RSRC1: variants seen among roughly 807,000 people sequenced by gnomAD.
The protein encoded by RSRC1 is arginine and serine rich coiled-coil 1.
A neutral mutation model predicts 49.1 loss-of-function variants in RSRC1; 39 were observed. The observed-to-expected ratio is 0.79, with a 90% CI of 0.61 to 1.04. RSRC1 has a LOEUF of 1.04. Ranked by LOEUF, RSRC1 falls within the 50% of genes least tolerant of loss-of-function variation. RSRC1 has a pLI of 0.00. For synonymous variants in RSRC1, 143 were observed against 130.8 expected (o/e 1.09, Z -0.63); for missense variants, 388 against 402.4 (o/e 0.96, Z 0.31).
At chr3:158,154,688 C>T (rs890023737) in intron 3 of RSRC1, among the ~76,000 whole-genome samples, 2 of 152,128 alleles carry the variant, frequency 1.3e-5, no homozygotes, top group Non-Finnish European at 2.9e-5. Context: ...TGGTCTCGAT[C>T]TCTTGACCTC....
chr3:158,467,466 A>T (rs576431970), intron 7 of RSRC1, among the ~76,000 whole-genome samples: 2 of 152,348 alleles, frequency 1.3e-5, no homozygotes, highest in South Asian at 2.1e-4. Context: ...GTAGTTACAT[A>T]GTGCGTATGA....
chr3:158,213,157 T>C (rs181450972), intron 4 of RSRC1, among the ~76,000 whole-genome samples: 2 of 152,056 alleles, frequency 1.3e-5, no homozygotes, highest in African/African-American at 4.8e-5. Flanking sequence ...AATGTGATAT[T>C]ATAGGACAGT....
chr3:158,160,451 TAG>T (rs967004160), intron 3 of RSRC1, among the ~76,000 whole-genome samples: 1 of 152,092 alleles, frequency 6.6e-6, no homozygotes, highest in Non-Finnish European at 1.5e-5. Context: ...GGAATACATA[TAG>T]AGAAATGTGG....
At chr3:158,450,679 T>G (rs1736979130) in intron 6 of RSRC1, among the ~76,000 whole-genome samples, 1 of 151,986 alleles carries the variant, frequency 6.6e-6, no homozygotes, top group Non-Finnish European at 1.5e-5. Context: ...TATGTCCATA[T>G]GTAAATTTTT....
rs528316757 is a variant in RSRC1, at chr3:158,354,800, T to C, written c.532-57T>C. On this transcript the variant is annotated intron_variant, in intron 5 of 9. Coordinates refer to ENST00000611884, the MANE Select transcript of RSRC1 (RefSeq NM_001271838.2). Reference sequence around the variant, plus strand: ...ATGCATTAATTTAAAACTCCATCAATTAAAACTGACCTGTAAAAGTCTTGT... The same window carrying C: ...ATGCATTAATTTAAAACTCCATCAACTAAAACTGACCTGTAAAAGTCTTGT... 2.0e-5 allele frequency: 27 copies of C among 1,335,246 alleles called. No homozygotes were observed. The African/African-American group carries it at 3.2e-4, about 16-fold the overall frequency. 82.7% of individuals were successfully genotyped at this position (1,335,246 alleles called of 1,614,324 possible). A position where few individuals can be genotyped will look rare whatever the true frequency, so the allele number is the denominator to read the frequency against.
intron 3 of RSRC1, among the ~76,000 whole-genome samples, chr3:158,187,410 T>C (rs1719993492): frequency 6.6e-6 from 1 of 151,976 alleles, no homozygotes; most frequent in Admixed American, 6.6e-5. Flanking sequence ...AAAGGGGAGA[T>C]TGGTTTTGAT....
rs375305594 is a variant in RSRC1 at position 158,470,321 on chromosome 3, AACACACACACAC to A, written c.652+9348_652+9359del. Among the ~76,000 whole-genome samples the A allele has an allele frequency of 8.9e-3, 1,214 of 136,880 alleles. 21 individuals are homozygous for A. Among genetic ancestry groups the A allele is most frequent in the African/African-American group, 0.029 (1,049 of 36,596 alleles). 89.8% of individuals were successfully genotyped at this position (136,880 alleles called of 152,430 possible). ...AGCCTTGTTTTTCTCTGCTCTTAGAAACACACACACACACACACACACACACACACACACACA... is the reference window on the plus strand; with the variant it reads ...AGCCTTGTTTTTCTCTGCTCTTAGAAACACACACACACACACACACACACA... On this transcript the variant is annotated intron_variant, in intron 7 of 9. Transcript: ENST00000611884.
At chr3:158,433,572 G>C (rs1259497237) in intron 6 of RSRC1, among the ~76,000 whole-genome samples, 3 of 151,936 alleles carry the variant, frequency 2.0e-5, no homozygotes, top group Non-Finnish European at 4.4e-5. Context: ...TGTCTGGAGG[G>C]CTGAGAGGAT....
At chr3:158,266,568 T>C (rs1725192647) in intron 4 of RSRC1, among the ~76,000 whole-genome samples, 1 of 152,216 alleles carries the variant, frequency 6.6e-6, no homozygotes, top group Non-Finnish European at 1.5e-5. Flanking sequence ...TTTTTATCAT[T>C]ACATTTTAAT....
At chr3:158,526,784 T>A (rs1369560) in intron 7 of RSRC1, among the ~76,000 whole-genome samples, 45,288 of 151,798 alleles carry the variant, frequency 0.3, 7,091 homozygotes, top group South Asian at 0.41. Flanking sequence ...ACTCATAACT[T>A]TATACTGACT....
At chr3:158,419,930 A>G (rs1309066631) in intron 6 of RSRC1, among the ~76,000 whole-genome samples, 1 of 151,812 alleles carries the variant, frequency 6.6e-6, no homozygotes, top group Non-Finnish European at 1.5e-5. Context: ...GAAATAGGTC[A>G]GAGTTATTCA....
chr3:158,535,736 A>G (rs1350128557), intron 7 of RSRC1, among the ~76,000 whole-genome samples: 2 of 151,470 alleles, frequency 1.3e-5, no homozygotes, highest in East Asian at 3.9e-4. Flanking sequence ...AAGCAATTGA[A>G]GCATCAAAAT....
chr3:158,330,883 C>T (rs1181836867), intron 5 of RSRC1, among the ~76,000 whole-genome samples: 1 of 76,012 alleles, frequency 1.3e-5, no homozygotes, highest in Non-Finnish European at 2.6e-5. Context: ...GACTGGGTAA[C>T]TTATTAAAAA....
rs899780366 is a variant in RSRC1, at chr3:158,283,507, TA to T, written c.495-14522del. On this transcript the variant is annotated intron_variant, in intron 4 of 9. Coordinates refer to ENST00000611884, the MANE Select transcript of RSRC1 (RefSeq NM_001271838.2). ...CCCTCTTACATTTTGTAACATGATT[TA>T]AAAAAAAAACTTACTATAGCACAAG... Among the ~76,000 whole-genome samples, 180 of 149,714 alleles carry T rather than the reference TA, an allele frequency of 1.2e-3. 3 individuals are homozygous for T. In the East Asian group the frequency reaches 0.03, roughly 25 times the overall value.
chr3:158,192,351 G>A (rs1251686289), intron 3 of RSRC1, among the ~76,000 whole-genome samples: 9 of 152,020 alleles, frequency 5.9e-5, no homozygotes, highest in African/African-American at 2.2e-4. Context: ...TTCAAGAGAT[G>A]AATTGCTCGT....
chr3:158,174,871 A>G (rs1719108251), intron 3 of RSRC1, among the ~76,000 whole-genome samples: 1 of 152,062 alleles, frequency 6.6e-6, no homozygotes, highest in South Asian at 2.1e-4. Flanking sequence ...ATACTTTGGA[A>G]TGAAATTGCT....
At position 158,203,054 on chromosome 3, in the gene RSRC1, A is replaced by C. The variant is rs1263650838; in HGVS notation, c.321-18A>C. 3 of 1,587,778 alleles carry C rather than the reference A, an allele frequency of 1.9e-6. No homozygotes were observed. The East Asian group carries it at 6.7e-5, about 36-fold the overall frequency. ...AAATTATACACTAAGTTTATTTAAC[A>C]AAATCTGCTTACTGTAGGTCCAGGT... On this transcript the variant is annotated intron_variant, in intron 3 of 9. Transcript: ENST00000611884.
At chr3:158,477,761 C>A (rs6783284) in intron 7 of RSRC1, among the ~76,000 whole-genome samples, 69,409 of 137,208 alleles carry the variant, frequency 0.51, 18,550 homozygotes, top group African/African-American at 0.62. Context: ...CAAGGAGAAC[C>A]GTGGAGCATG....
intron 6 of RSRC1, among the ~76,000 whole-genome samples, chr3:158,400,450 G>A (rs893624455): frequency 6.6e-5 from 10 of 151,994 alleles, no homozygotes; most frequent in African/African-American, 2.4e-4. Context: ...GTAGCCTCAG[G>A]CAGGTTCTTC....
Sources: allele counts gnomAD v4.1 joint callset (sites outside exome capture counted in the v4.1 genomes callset), GRCh38; gene constraint gnomAD v4.1.1; transcripts MANE v1.5; gene names NCBI Gene and HGNC (gene_info 2026-07-23, HGNC 2026-07-21).